The following COL3A1 variants were observed in gnomAD, a reference collection of about 807,000 sequenced individuals.
COL3A1 encodes collagen alpha-1(III) chain.
In COL3A1, 46 loss-of-function variants were observed where a neutral mutation model predicts 200.9. That is an observed-to-expected ratio of 0.23 (90% CI 0.18 to 0.29). The LOEUF is 0.29. Ranked by LOEUF, COL3A1 falls within the 10% of genes least tolerant of loss-of-function variation. The probability of loss-of-function intolerance (pLI) is 1.00; values close to 1 mark genes in which losing one functional copy is unlikely to be tolerated. For synonymous variants in COL3A1, 650 were observed against 628.0 expected, an observed-to-expected ratio of 1.03 and a Z score of -0.52; for missense variants, 1,367 against 1,917.6, an observed-to-expected ratio of 0.71 and a Z score of 5.36.
At chr2:188,998,410 A>G (rs1172551320) in intron 28 of COL3A1, 91 bp downstream of exon 28, 9 of 1,150,762 alleles carry the variant, frequency 7.8e-6, no homozygotes, top group African/African-American at 1.5e-5. Flanking sequence ...TTCTTATGCC[A>G]TGATATTTGA....
intron 1 of COL3A1, among the ~76,000 whole-genome samples, chr2:188,981,924 A>G (rs1180794652): frequency 6.6e-6 from 1 of 151,652 alleles, no homozygotes; most frequent in Non-Finnish European, 1.5e-5. Flanking sequence ...GAAAGGGCTA[A>G]TTTTCAGCCA....
In COL3A1 at chr2:188,984,767, A is replaced by C. The variant is rs760482912; in HGVS notation, c.87A>C (p.Glu29Asp). 6 of 1,612,820 alleles carry C rather than the reference A, an allele frequency of 3.7e-6. No individual in the cohort carries two copies. In the African/African-American group the frequency reaches 8.0e-5, roughly 22 times the overall value. ...ATCTAACTTGTTTTTCAGCTGTTGA[A>C]GGAGGATGTTCCCATCTTGGTCAGT... ...TIILAQQEAV[E>D]GGCSHLGQSY... Residue 29 changes from glutamate to aspartate, a missense_variant, in exon 2 of 51, where the codon GAA becomes GAC. Glu to Asp is a conservative substitution (Grantham distance 45). Coordinates refer to ENST00000304636, the MANE Select transcript of COL3A1 (RefSeq NM_000090.4).
intron 23 of COL3A1, 95 bp from the exon 24 acceptor site, chr2:188,996,303 T>TACACAC (rs200204993): frequency 0.028 from 21,573 of 766,528 alleles, 61 homozygotes; most frequent in East Asian, 0.076. Flanking sequence ...TATCTATATA[T>TACACAC]ATACACACAC....
intron 1 of COL3A1, among the ~76,000 whole-genome samples, chr2:188,979,768 C>T (rs891970878): frequency 6.6e-6 from 1 of 151,662 alleles, no homozygotes; most frequent in Non-Finnish European, 1.5e-5. Context: ...CTTCTTTAAT[C>T]GTACTCAGTT....
At position 189,004,014 on chromosome 2, in the gene COL3A1, T is replaced by C; in HGVS notation, c.2694T>C (p.Ser898=). 6.2e-7 allele frequency: 1 copy of C among 1,612,836 alleles called. No homozygotes were observed. The highest frequency in any genetic ancestry group is 8.5e-7 in the Non-Finnish European group (1 of 1,179,800). The change falls in exon 39 of 51, where the codon TCT becomes TCC. Residue 898 remains serine (S), a synonymous_variant. Coordinates refer to ENST00000304636, the MANE Select transcript of COL3A1 (RefSeq NM_000090.4). ...CAGGACCCCCAGGTCCCAGCGGTTC[T>C]CCAGGCAAGGATGGGCCCCCAGGTC... ...GNPGPPGPSG[S]PGKDGPPGPA... is the part of the protein sequence containing the mutation.
At chr2:188,987,179 T>G (rs562053617) in intron 5 of COL3A1, 40 bp downstream of exon 5, 2 of 1,525,378 alleles carry the variant, frequency 1.3e-6, no homozygotes, top group Non-Finnish European at 1.8e-6. Flanking sequence ...AGCTTTATTA[T>G]CTTTCTGGTT....
At chr2:188,987,964 A>T in intron 5 of COL3A1, 117 bp from the exon 6 acceptor site, 1 of 794,578 alleles carries the variant, frequency 1.3e-6, no homozygotes, top group Admixed American at 2.0e-5. Context: ...AAAAGTTATC[A>T]AAAGATGAGA....
intron 1 of COL3A1, among the ~76,000 whole-genome samples, chr2:188,979,013 G>A (rs1687891841): frequency 6.6e-6 from 1 of 151,828 alleles, no homozygotes; most frequent in South Asian, 2.1e-4. Context: ...CCATGACTGA[G>A]GTCAAGCACT....
chr2:188,977,045 C>T (rs1032927454), intron 1 of COL3A1, among the ~76,000 whole-genome samples: 9 of 152,040 alleles, frequency 5.9e-5, no homozygotes, highest in East Asian at 1.9e-4. Context: ...TATACTGACA[C>T]GAAAACACAA....
intron 12 of COL3A1, 66 bp from the exon 13 acceptor site, chr2:188,991,603 C>T (rs1688190389): frequency 1.2e-6 from 2 of 1,606,862 alleles, no homozygotes; most frequent in Non-Finnish European, 1.7e-6. Context: ...TGGCTTTGCT[C>T]CCACCCCAAC....
At chr2:188,992,077 T>C in intron 13 of COL3A1, 107 bp from the exon 14 acceptor site, 8 of 1,008,882 alleles carry the variant, frequency 7.9e-6, no homozygotes, top group South Asian at 1.3e-5. Context: ...GATTTTAATG[T>C]ACTTGAAGAA....
At chr2:188,975,546 G>C (rs1484500309) in intron 1 of COL3A1, among the ~76,000 whole-genome samples, 1 of 152,106 alleles carries the variant, frequency 6.6e-6, no homozygotes, top group East Asian at 1.9e-4. Context: ...GAAATTATTA[G>C]ACAATTTTTA....
At chr2:188,998,229 T>G in intron 27 of COL3A1, 37 bp from the exon 28 acceptor site, 4 of 1,581,052 alleles carry the variant, frequency 2.5e-6, no homozygotes, top group Non-Finnish European at 3.5e-6. Flanking sequence ...AAGCCATGTT[T>G]GAGGTAATTA....
At chr2:189,011,530 G>A in intron 50 of COL3A1, 98 bp from the exon 51 acceptor site, 1 of 1,383,068 alleles carries the variant, frequency 7.2e-7, no homozygotes, top group Non-Finnish European at 1.0e-6. Flanking sequence ...CACGATGAAT[G>A]CTTCTTTAGA....
intron 8 of COL3A1, among the ~76,000 whole-genome samples, 189 bp from the exon 9 acceptor site, chr2:188,989,907 A>C (rs1688150001): frequency 1.3e-5 from 2 of 152,148 alleles, no homozygotes; most frequent in South Asian, 4.1e-4. Context: ...ATCTCTTTAT[A>C]AGCTTATATC....
intron 1 of COL3A1, 135 bp downstream of exon 1, chr2:188,974,703 G>A: frequency 1.3e-6 from 1 of 742,936 alleles, no homozygotes; most frequent in Non-Finnish European, 2.4e-6. Flanking sequence ...GTGAAACGTT[G>A]AACTGACCAT....
At chr2:189,005,313 A>C in intron 40 of COL3A1, 37 bp from the exon 41 acceptor site, 8 of 1,548,040 alleles carry the variant, frequency 5.2e-6, no homozygotes, top group Non-Finnish European at 6.3e-6. Flanking sequence ...TGATTTCTTA[A>C]GTTGAAACAA....
At chr2:188,991,214 A>G (rs1688181715) in intron 11 of COL3A1, among the ~76,000 whole-genome samples, 157 bp downstream of exon 11, 1 of 152,152 alleles carries the variant, frequency 6.6e-6, no homozygotes, top group South Asian at 2.1e-4. Flanking sequence ...ATATTCTATT[A>G]ACGCTTCCAT....
chr2:189,010,684 C>A lies in COL3A1; in HGVS notation c.4048C>A (p.Leu1350Ile), dbSNP rs1414355898. ...CAATCCTGAACTTCCTGAAGATGTC[C>A]TTGATGTGCATCTGGCATTCCTTCG... ...YGNPELPEDV[L>I]DVHLAFLRLL... The change falls in exon 50 of 51, where the codon CTT becomes ATT. Residue 1350 changes from leucine to isoleucine, a missense_variant. Leu to Ile is a conservative substitution (Grantham distance 5, BLOSUM62 2). Transcript: ENST00000304636. The A allele has an allele frequency of 1.2e-6, 2 of 1,614,102 alleles. No individual in the cohort carries two copies. Among genetic ancestry groups the A allele is most frequent in the Non-Finnish European group, 1.7e-6 (2 of 1,179,974 alleles).
Sources: gnomAD v4.1 joint callset for allele counts (sites outside exome capture counted in the v4.1 genomes callset) on GRCh38, gnomAD v4.1.1 for gene constraint, MANE v1.5 for transcripts, NCBI Gene and HGNC (gene_info 2026-07-23, HGNC 2026-07-21) for gene names.